Variants in KCND2 observed in about 807,000 individuals in gnomAD.
KCND2 encodes potassium voltage-gated channel subfamily D member 2.
Under a neutral mutation model 54.4 loss-of-function variants are expected in KCND2, and 16 were observed. The observed-to-expected ratio is 0.29, with a 90% CI of 0.20 to 0.45. KCND2 has a LOEUF of 0.45. Ranked by LOEUF, KCND2 falls within the 20% of genes least tolerant of loss-of-function variation. The pLI is 1.00. For synonymous variants in KCND2, 317 were observed against 310.7 expected (o/e 1.02, Z -0.21); for missense variants, 486 against 824.2 (o/e 0.59, Z 5.02).
intron 1 of KCND2, among the ~76,000 whole-genome samples, chr7:120,579,411 T>C (rs1233505096): frequency 6.6e-6 from 1 of 151,906 alleles, no homozygotes; most frequent in Non-Finnish European, 1.5e-5. Context: ...AAGACCATCC[T>C]GGCCAACATG....
intron 1 of KCND2, among the ~76,000 whole-genome samples, chr7:120,565,552 C>T (rs1263757382): frequency 6.6e-6 from 1 of 152,004 alleles, no homozygotes; most frequent in African/African-American, 2.4e-5. Flanking sequence ...AATTAGGATC[C>T]ATTAAGTGCT....
intron 1 of KCND2, among the ~76,000 whole-genome samples, chr7:120,695,713 T>A (rs1033812664): frequency 2.0e-5 from 3 of 152,208 alleles, no homozygotes; most frequent in African/African-American, 7.2e-5. Flanking sequence ...ATTTTCTTCT[T>A]CTACAGAAAG....
At chr7:120,322,321 T>A (rs1213758939) in intron 1 of KCND2, among the ~76,000 whole-genome samples, 1 of 152,126 alleles carries the variant, frequency 6.6e-6, no homozygotes, top group Admixed American at 6.6e-5. Flanking sequence ...TTGTTCTATA[T>A]TACTTTGCAG....
At chr7:120,632,416 G>T (rs1793244851) in intron 1 of KCND2, among the ~76,000 whole-genome samples, 1 of 152,140 alleles carries the variant, frequency 6.6e-6, no homozygotes, top group African/African-American at 2.4e-5. Context: ...GTAAATTACA[G>T]TTACTACTTT....
chr7:120,357,745 C>T lies in KCND2; in HGVS notation c.1115+81998C>T, dbSNP rs143767967. Among the ~76,000 whole-genome samples, 6 of 152,216 alleles carry T rather than the reference C, an allele frequency of 3.9e-5. 1 individual carries two copies. The highest frequency in any genetic ancestry group is 2.1e-4 in the South Asian group (1 of 4,824). On this transcript the variant is annotated intron_variant, in intron 1 of 5. Transcript: ENST00000331113. ...TGGAAGTCCAAGATCAAAGCACCAG[C>T]TGGTTTGGTTTCTCCTGAGGCCTCT...
chr7:120,298,812 C>T (rs1304214484), intron 1 of KCND2, among the ~76,000 whole-genome samples: 1 of 152,188 alleles, frequency 6.6e-6, no homozygotes, highest in Non-Finnish European at 1.5e-5. Flanking sequence ...AAGTCTTACG[C>T]TTTACCTGTT....
chr7:120,357,726 T>C (rs1198159242), intron 1 of KCND2, among the ~76,000 whole-genome samples: 1 of 152,020 alleles, frequency 6.6e-6, no homozygotes, highest in African/African-American at 2.4e-5. Flanking sequence ...AGGCTGGAAG[T>C]CCAAGATCAA....
rs141789497 is a variant in KCND2 at position 120,698,841 on chromosome 7, A to T, written c.1116-34062A>T. Among the ~76,000 whole-genome samples, 156 of 152,344 alleles carry T rather than the reference A, an allele frequency of 1.0e-3. 2 individuals are homozygous for T. Among genetic ancestry groups the T allele is most frequent in the African/African-American group, 3.7e-3 (153 of 41,582 alleles). On this transcript the variant is annotated intron_variant, in intron 1 of 5. Transcript: ENST00000331113. ...GTTCTTTGGGTTCAAAAGATGGGAA[A>T]ATAAGAACATACCACTGTGACTTTT...
At chr7:120,630,482 G>T (rs776502465) in intron 1 of KCND2, among the ~76,000 whole-genome samples, 1 of 151,840 alleles carries the variant, frequency 6.6e-6, no homozygotes, top group Admixed American at 6.6e-5. Context: ...ATTCCTTCAG[G>T]TATATATGGT....
intron 1 of KCND2, among the ~76,000 whole-genome samples, chr7:120,599,678 A>G (rs555459043): frequency 6.6e-6 from 1 of 152,004 alleles, no homozygotes; most frequent in Non-Finnish European, 1.5e-5. Context: ...ACCTTGTTAA[A>G]CTCATTAGTT....
chr7:120,721,057 TG>T (rs1792659857), intron 1 of KCND2, among the ~76,000 whole-genome samples: 1 of 152,220 alleles, frequency 6.6e-6, no homozygotes, highest in South Asian at 2.1e-4. Context: ...TCACATGATT[TG>T]TTTCCTCTTT....
At chr7:120,691,343 A>G (rs1348608611) in intron 1 of KCND2, among the ~76,000 whole-genome samples, 7 of 152,220 alleles carry the variant, frequency 4.6e-5, no homozygotes, top group Non-Finnish European at 1.0e-4. Context: ...TATTACAATC[A>G]CCATGGGGGG....
intron 1 of KCND2, among the ~76,000 whole-genome samples, chr7:120,505,534 T>G (rs888696123): frequency 1.3e-5 from 2 of 151,814 alleles, no homozygotes; most frequent in Non-Finnish European, 2.9e-5. Context: ...AAAGAAACCC[T>G]GTGTATTTGT....
At chr7:120,710,378 A>G (rs1350773626) in intron 1 of KCND2, among the ~76,000 whole-genome samples, 2 of 152,152 alleles carry the variant, frequency 1.3e-5, no homozygotes, top group African/African-American at 4.8e-5. Flanking sequence ...TAGTGCAGCT[A>G]TATTTTCTCC....
At chr7:120,626,571 G>C (rs1793165996) in intron 1 of KCND2, among the ~76,000 whole-genome samples, 1 of 152,034 alleles carries the variant, frequency 6.6e-6, no homozygotes, top group South Asian at 2.1e-4. Flanking sequence ...CAATAGCAAA[G>C]AAAAATGACA....
Position 120,617,405 on chromosome 7 carries a change from A to T in KCND2, c.1116-115498A>T, listed in dbSNP as rs561295429. Among the ~76,000 whole-genome samples, 46 of 152,332 alleles carry T rather than the reference A, an allele frequency of 3.0e-4. No individual in the cohort carries two copies. In the South Asian group the frequency reaches 8.3e-3, roughly 27 times the overall value. Reference sequence around the variant, plus strand: ...TACGAAAAAGATGCTCAACATCACTAATCATTAGAGAAATGCAAATCAAAA... The same window carrying T: ...TACGAAAAAGATGCTCAACATCACTTATCATTAGAGAAATGCAAATCAAAA... On this transcript the variant is annotated intron_variant, in intron 1 of 5. Coordinates refer to ENST00000331113, the MANE Select transcript of KCND2 (RefSeq NM_012281.3).
At chr7:120,410,372 G>T (rs1274457999) in intron 1 of KCND2, among the ~76,000 whole-genome samples, 1 of 151,564 alleles carries the variant, frequency 6.6e-6, no homozygotes, top group Non-Finnish European at 1.5e-5. Flanking sequence ...GGCTATTATA[G>T]GTTCTTTGGG....
In KCND2 at chr7:120,722,076, G is replaced by A. The variant is rs376488665; in HGVS notation, c.1116-10827G>A. Among the ~76,000 whole-genome samples the A allele has an allele frequency of 7.2e-5, 11 of 152,226 alleles. 1 individual carries two copies. The South Asian group carries it at 1.5e-3, about 20-fold the overall frequency. The stretch of plus-strand genomic sequence containing the variant: ...CTCCAGCCAGGTGGAACTGTGAGTC[G>A]ATTAAATCTCCTTCCTTTATAAATT... On this transcript the variant is annotated intron_variant, in intron 1 of 5. Transcript: ENST00000331113.
intron 1 of KCND2, among the ~76,000 whole-genome samples, chr7:120,677,003 C>T (rs536000543): frequency 4.8e-4 from 64 of 133,914 alleles, no homozygotes; most frequent in African/African-American, 1.9e-3. Flanking sequence ...TCTGATTAAA[C>T]ATTCATTAAA....
Sources: allele counts gnomAD v4.1 joint callset (sites outside exome capture counted in the v4.1 genomes callset), GRCh38; gene constraint gnomAD v4.1.1; transcripts MANE v1.5; gene names NCBI Gene and HGNC (gene_info 2026-07-23, HGNC 2026-07-21).